The following UGGT2 variants were observed in gnomAD, a reference collection of about 807,000 sequenced individuals.
UGGT2 encodes UDP-glucose glycoprotein glucosyltransferase 2.
In UGGT2, 180 loss-of-function variants were observed where a neutral mutation model predicts 192.1. The ratio of observed to expected loss-of-function variants is 0.94; its 90% confidence interval spans 0.83 to 1.06. The LOEUF is 1.06. Ranked by LOEUF, UGGT2 falls within the 50% of genes least tolerant of loss-of-function variation. The pLI is 0.00. For synonymous variants in UGGT2, 580 were observed against 591.0 expected, an observed-to-expected ratio of 0.98 and a Z score of 0.27; for missense variants, 1,849 against 1,795.7, an observed-to-expected ratio of 1.03 and a Z score of -0.54.
At chr13:96,052,397 A>C (rs978565504) in intron 1 of UGGT2, among the ~76,000 whole-genome samples, 10 of 152,122 alleles carry the variant, frequency 6.6e-5, no homozygotes, top group African/African-American at 2.2e-4. Flanking sequence ...GGGTGTACCA[A>C]AATCTCAGAA....
At chr13:95,989,828 T>C in intron 8 of UGGT2, 145 bp downstream of exon 8, 1 of 480,902 alleles carries the variant, frequency 2.1e-6, no homozygotes, top group Non-Finnish European at 3.6e-6. Context: ...AAATAGGTAT[T>C]GCCACAAAAA....
chr13:95,854,877 G>C (rs1566593900), intron 34 of UGGT2, among the ~76,000 whole-genome samples: 1 of 151,900 alleles, frequency 6.6e-6, no homozygotes. Context: ...CAAATGTTAA[G>C]TTTGAATCAT....
chr13:95,819,765 T>C (rs1214667983), intron 38 of UGGT2, among the ~76,000 whole-genome samples: 2 of 152,228 alleles, frequency 1.3e-5, no homozygotes, highest in Non-Finnish European at 2.9e-5. Flanking sequence ...GTCTTCATTA[T>C]ACAACTCTTA....
intron 34 of UGGT2, among the ~76,000 whole-genome samples, chr13:95,854,789 G>A (rs111339599): frequency 6.6e-5 from 10 of 152,008 alleles, no homozygotes; most frequent in African/African-American, 1.4e-4. Context: ...TAAATATTAC[G>A]TAAGTGCAGA....
chr13:95,843,624 GAATT>G (rs1409755475), intron 36 of UGGT2, among the ~76,000 whole-genome samples: 1 of 151,820 alleles, frequency 6.6e-6, no homozygotes, highest in Non-Finnish European at 1.5e-5. Context: ...GATGTGTTTG[GAATT>G]AATTTTTACT....
rs148625772 is a variant in UGGT2 at position 96,048,280 on chromosome 13, A to G, written c.158+4875T>C. Among the ~76,000 whole-genome samples, 1,225 of 152,316 alleles carry G rather than the reference A, an allele frequency of 8.0e-3. 19 individuals are homozygous for G. Among genetic ancestry groups the G allele is most frequent in the African/African-American group, 0.028 (1,172 of 41,572 alleles). Reference sequence around the variant, plus strand: ...AGGCAGAAATAAAGCTGTTCTTTGAAACCAATAAGAACAAAGACACAACAT... The same window carrying G: ...AGGCAGAAATAAAGCTGTTCTTTGAGACCAATAAGAACAAAGACACAACAT... On this transcript the variant is annotated intron_variant, in intron 1 of 38. Coordinates refer to ENST00000376747, the MANE Select transcript of UGGT2 (RefSeq NM_020121.4).
chr13:95,941,598 T>A (rs2049682526), intron 15 of UGGT2, among the ~76,000 whole-genome samples: 1 of 152,218 alleles, frequency 6.6e-6, no homozygotes, highest in Non-Finnish European at 1.5e-5. Context: ...TTAGTCATTT[T>A]ACTAACTAGT....
chr13:95,919,249 C>T (rs1317137133), intron 20 of UGGT2, among the ~76,000 whole-genome samples: 1 of 152,144 alleles, frequency 6.6e-6, no homozygotes, highest in African/African-American at 2.4e-5. Flanking sequence ...GACAAACTCA[C>T]AGCCAATATC....
At chr13:95,998,786 A>G (rs890504469) in intron 6 of UGGT2, among the ~76,000 whole-genome samples, 5 of 146,458 alleles carry the variant, frequency 3.4e-5, no homozygotes, top group Non-Finnish European at 7.6e-5. Context: ...TTCAGGATAG[A>G]AAAAAAAAAA....
intron 38 of UGGT2, among the ~76,000 whole-genome samples, chr13:95,817,127 CAAAA>C (rs1031170410): frequency 6.6e-6 from 1 of 151,122 alleles, no homozygotes; most frequent in Non-Finnish European, 1.5e-5. Flanking sequence ...GACTTTGTCT[CAAAA>C]AAAAGTCACT....
At position 95,856,265 on chromosome 13, in the gene UGGT2, G is replaced by T; in HGVS notation, c.3901C>A (p.Arg1301Ser). ...LVQYRWPRWL[R>S]QQTERQRIIW... ...ATCCTCTGTCTTTCAGTCTGTTGAC[G>T]AAGCCAACGGGGCCACCTATATTGA... Residue 1301 changes from arginine (R) to serine (S), a missense_variant, in exon 34 of 39, where the codon CGT becomes AGT. Transcript: ENST00000376747. 1.9e-6 allele frequency: 3 copies of T among 1,613,598 alleles called. No individual in the cohort carries two copies. The highest frequency in any genetic ancestry group is 1.7e-6 in the Non-Finnish European group (2 of 1,179,794).
intron 17 of UGGT2, 106 bp downstream of exon 17, chr13:95,936,818 G>T: frequency 1.8e-6 from 2 of 1,101,252 alleles, no homozygotes; most frequent in Non-Finnish European, 2.5e-6. Flanking sequence ...GAAATGATCA[G>T]AATGGAAATT....
chr13:95,997,809 A>C (rs754356987), intron 6 of UGGT2, among the ~76,000 whole-genome samples: 5 of 152,208 alleles, frequency 3.3e-5, no homozygotes, highest in Non-Finnish European at 7.3e-5. Context: ...AAATTATTCT[A>C]AATAGTAAGT....
chr13:95,988,562 G>A (rs1042809581), intron 8 of UGGT2, among the ~76,000 whole-genome samples: 1 of 152,078 alleles, frequency 6.6e-6, no homozygotes, highest in Admixed American at 6.6e-5. Flanking sequence ...GTTCAAAGAG[G>A]TAGATTCTTT....
At chr13:95,883,601 G>A (rs2047556326) in intron 27 of UGGT2, among the ~76,000 whole-genome samples, 1 of 151,978 alleles carries the variant, frequency 6.6e-6, no homozygotes, top group Non-Finnish European at 1.5e-5. Context: ...TAAAGTGTGT[G>A]GCACTCCCCT....
intron 20 of UGGT2, among the ~76,000 whole-genome samples, chr13:95,913,378 A>T (rs562321146): frequency 6.6e-6 from 1 of 152,216 alleles, no homozygotes; most frequent in Admixed American, 6.5e-5. Flanking sequence ...CAAAGAACTC[A>T]AACAAACTTA....
chr13:95,962,214 AT>A (rs1375548822), intron 12 of UGGT2, among the ~76,000 whole-genome samples: 5 of 152,200 alleles, frequency 3.3e-5, no homozygotes, highest in Admixed American at 3.3e-4. Flanking sequence ...GCAGAAAAAA[AT>A]AAATAAGATC....
At chr13:95,834,303 T>C (rs59810714) in intron 37 of UGGT2, among the ~76,000 whole-genome samples, 2,482 of 152,190 alleles carry the variant, frequency 0.016, 67 homozygotes, top group African/African-American at 0.057. Flanking sequence ...ATCATGCCCC[T>C]CGGGGAGCTT....
intron 20 of UGGT2, among the ~76,000 whole-genome samples, chr13:95,915,456 A>G (rs1316804654): frequency 6.6e-6 from 1 of 152,250 alleles, no homozygotes; most frequent in Non-Finnish European, 1.5e-5. Context: ...AGATCTTAAT[A>G]TTGTAAACTA....
Sources: allele counts gnomAD v4.1 joint callset (sites outside exome capture counted in the v4.1 genomes callset), GRCh38; gene constraint gnomAD v4.1.1; transcripts MANE v1.5; gene names NCBI Gene and HGNC (gene_info 2026-07-23, HGNC 2026-07-21).